MGAT4C: variants seen among roughly 807,000 people sequenced by gnomAD.
MGAT4C encodes the protein alpha-1,3-mannosyl-glycoprotein 4-beta-N-acetylglucosaminyltransferase C.
MGAT4C carries 19 observed loss-of-function variants against 40.1 expected under a neutral mutation model. The ratio of observed to expected loss-of-function variants is 0.47; its 90% confidence interval spans 0.33 to 0.70. MGAT4C has a LOEUF of 0.70. Ranked by LOEUF, MGAT4C falls within the 30% of genes least tolerant of loss-of-function variation. The pLI, the probability that MGAT4C is intolerant of heterozygous loss-of-function variation, is 0.02. For missense variants in MGAT4C, 491 were observed against 563.2 expected, an observed-to-expected ratio of 0.87 and a Z score of 1.30; for synonymous variants, 181 against 187.1, an observed-to-expected ratio of 0.97 and a Z score of 0.27.
intron 1 of MGAT4C, among the ~76,000 whole-genome samples, chr12:86,169,298 T>C (rs1238053707): frequency 6.6e-6 from 1 of 152,164 alleles, no homozygotes; most frequent in Admixed American, 6.5e-5. Flanking sequence ...GCCAGACTTC[T>C]AGCTCAATTT....
chr12:86,665,878 C>G (rs1964092951), intron 2 of MGAT4C, among the ~76,000 whole-genome samples: 1 of 152,086 alleles, frequency 6.6e-6, no homozygotes, highest in Non-Finnish European at 1.5e-5. Context: ...TTTTTGCTTG[C>G]ATCTTTATCT....
chr12:86,462,080 G>A (rs6538042), intron 2 of MGAT4C, among the ~76,000 whole-genome samples: 99,428 of 152,106 alleles, frequency 0.65, 33,293 homozygotes, highest in South Asian at 0.8. Flanking sequence ...AACAGATGGC[G>A]AAAAGCTCAG....
Position 86,603,826 on chromosome 12 carries a change from A to T in MGAT4C, c.-229+123383T>A, listed in dbSNP as rs1422392590. Among the ~76,000 whole-genome samples the T allele has an allele frequency of 1.8e-4, 25 of 142,182 alleles. No homozygotes were observed. The East Asian group carries it at 4.7e-3, about 26-fold the overall frequency. 93.3% of individuals were successfully genotyped at this position (142,182 alleles called of 152,430 possible). A position where few individuals can be genotyped will look rare whatever the true frequency, so the allele number is the denominator to read the frequency against. On this transcript the variant is annotated intron_variant, in intron 2 of 7. Coordinates refer to the MGAT4C transcript ENST00000548651. The stretch of plus-strand genomic sequence containing the variant: ...ATTATATAGTATATAATAATAGTAA[A>T]TATAGAAGAATACTATATTGCATAT...
chr12:86,763,399 C>T (rs767288068), intron 1 of MGAT4C, among the ~76,000 whole-genome samples: 1 of 152,102 alleles, frequency 6.6e-6, no homozygotes, highest in South Asian at 2.1e-4. Flanking sequence ...CGTACCTAAA[C>T]CTATGTATAC....
Position 85,980,450 on chromosome 12 carries a change from A to G in MGAT4C, c.296-20T>C, listed in dbSNP as rs745564493. The G allele has an allele frequency of 6.5e-7, 1 of 1,550,022 alleles. No individual in the cohort carries two copies. ...GATACCCTGCAAAAAAGAATTCAGA[A>G]GCAATACAAATGTGAACTAGAAATA... On this transcript the variant is annotated intron_variant, in intron 4 of 4. Transcript: ENST00000611864.
intron 2 of MGAT4C, among the ~76,000 whole-genome samples, chr12:86,464,218 G>A (rs1482102614): frequency 6.6e-6 from 1 of 152,162 alleles, no homozygotes; most frequent in Non-Finnish European, 1.5e-5. Context: ...ATATGGGGCA[G>A]TTTAACCACA....
In MGAT4C at chr12:85,989,466, T is replaced by C. The variant is rs1885629839; in HGVS notation, c.81A>G (p.Ser27=). ...GAAAAATGACAAGAACTCCCAAGAA[T>C]GACACTGTAGAACGTTTTCTCAGGC... The part of the protein sequence containing the change: ...MRCLRKRSTV[S]FLGVLVIFLL... Residue 27 remains serine (S), a synonymous_variant, in exon 3 of 5, where the codon TCA becomes TCG. Transcript: ENST00000611864. 1.8e-5 allele frequency: 29 copies of C among 1,608,310 alleles called. No individual in the cohort carries two copies. The highest frequency in any genetic ancestry group is 2.4e-5 in the Non-Finnish European group (28 of 1,176,460).
intron 1 of MGAT4C, among the ~76,000 whole-genome samples, chr12:86,202,091 C>T (rs1490832748): frequency 2.0e-5 from 3 of 151,982 alleles, no homozygotes; most frequent in Non-Finnish European, 2.9e-5. Flanking sequence ...TAAAGAGAGG[C>T]TTAGTTTCTT....
chr12:86,195,648 T>C (rs1949774202), intron 1 of MGAT4C, among the ~76,000 whole-genome samples: 3 of 152,204 alleles, frequency 2.0e-5, no homozygotes, highest in African/African-American at 7.2e-5. Flanking sequence ...TCATACCTAA[T>C]ATTCTCAGAG....
Position 85,955,832 on chromosome 12 carries a change from T to C in MGAT4C, c.*23457A>G, listed in dbSNP as rs1592571344. ...ACTTTAAAAAAATACAGGACAAAGG[T>C]TTACAATAACTATTTGTGCTAGCTA... is the stretch of plus-strand genomic sequence containing the variant. On this transcript the variant is annotated 3_prime_UTR_variant, in exon 5 of 5. Coordinates refer to ENST00000611864, the MANE Select transcript of MGAT4C (RefSeq NM_001351288.2). 6.6e-6 allele frequency: 1 copy of C among 152,126 alleles called. No individual in the cohort carries two copies. Among genetic ancestry groups the C allele is most frequent in the East Asian group, 1.9e-4 (1 of 5,192 alleles). The allele number at this position is 152,126 out of a possible 1,614,324, so 9.4% of individuals were successfully genotyped here.
At chr12:86,788,679 A>G (rs936253707) in intron 1 of MGAT4C, among the ~76,000 whole-genome samples, 2 of 152,200 alleles carry the variant, frequency 1.3e-5, no homozygotes, top group Admixed American at 6.5e-5. Context: ...GTTAGGAGTC[A>G]GAATAAAGCA....
At chr12:86,250,340 A>ACT (rs1264893693) in intron 1 of MGAT4C, among the ~76,000 whole-genome samples, 17 of 112,040 alleles carry the variant, frequency 1.5e-4, no homozygotes, top group African/African-American at 7.5e-4. Flanking sequence ...TGAGAGAGAG[A>ACT]GAGAGAGAGA....
chr12:86,303,899 G>A (rs1481781508), intron 4 of MGAT4C, among the ~76,000 whole-genome samples: 1 of 150,346 alleles, frequency 6.7e-6, no homozygotes, highest in Non-Finnish European at 1.5e-5. Context: ...CTTCGTCTGT[G>A]TGTCTCTTTC....
At chr12:86,259,418 C>T (rs1359892115), upstream of MGAT4C, among the ~76,000 whole-genome samples, 1 of 151,784 alleles carries the variant, frequency 6.6e-6, no homozygotes, top group Non-Finnish European at 1.5e-5. Context: ...TTAAGAAATA[C>T]AACCTGATTA....
rs1415759242 is a variant in MGAT4C at position 86,408,477 on chromosome 12, CTCTATATATATA to C, written c.-120+26668_-120+26679del. ...TCTCTCTCTCTCTCTCTCTCTCTCT[CTCTATATATATA>C]TATATATATATATATATATATATAT... is the stretch of plus-strand genomic sequence containing the variant. On this transcript the variant is annotated intron_variant, in intron 3 of 7. Coordinates refer to the MGAT4C transcript ENST00000548651. 2.6e-4 allele frequency among the ~76,000 whole-genome samples: 25 copies of C among 97,572 alleles called. No individual in the cohort carries two copies. The East Asian group carries it at 5.4e-3, about 21-fold the overall frequency. The allele number at this position is 97,572 out of a possible 152,430, so 64.0% of individuals were successfully genotyped here.
chr12:86,833,199 T>A (rs1952966593), intron 1 of MGAT4C, among the ~76,000 whole-genome samples: 1 of 151,834 alleles, frequency 6.6e-6, no homozygotes, highest in African/African-American at 2.4e-5. Flanking sequence ...GCTTTGAAAG[T>A]CCTTGGATAT....
At chr12:86,604,785 T>C (rs533588259) in intron 2 of MGAT4C, among the ~76,000 whole-genome samples, 34 of 152,252 alleles carry the variant, frequency 2.2e-4, no homozygotes, top group Admixed American at 4.6e-4. Context: ...ACACATAAAA[T>C]ACATACTTAA....
intron 2 of MGAT4C, among the ~76,000 whole-genome samples, chr12:86,630,214 C>A (rs1178984887): frequency 6.6e-6 from 1 of 151,990 alleles, no homozygotes; most frequent in Non-Finnish European, 1.5e-5. Context: ...AAGAAGTTGA[C>A]CCCCTGAATA....
At chr12:86,508,074 A>G (rs1592932389) in intron 2 of MGAT4C, among the ~76,000 whole-genome samples, 1 of 151,980 alleles carries the variant, frequency 6.6e-6, no homozygotes, top group South Asian at 2.1e-4. Context: ...TATTATTATT[A>G]TACTTTAAGT....
Sources: gnomAD v4.1 joint callset for allele counts (sites outside exome capture counted in the v4.1 genomes callset) on GRCh38, gnomAD v4.1.1 for gene constraint, MANE v1.5 for transcripts, NCBI Gene and HGNC (gene_info 2026-07-23, HGNC 2026-07-21) for gene names.